DNM3: variants seen among roughly 807,000 people sequenced by gnomAD.
DNM3 encodes dynamin 3.
In DNM3, 47 loss-of-function variants were observed where a neutral mutation model predicts 101.6. The observed-to-expected ratio is 0.46, with a 90% confidence interval of 0.37 to 0.59. The LOEUF (loss-of-function observed/expected upper bound fraction) is 0.59, where lower values mean the gene tolerates loss of function less well. Ranked by LOEUF, DNM3 falls within the 20% of genes least tolerant of loss-of-function variation. The pLI, the probability that DNM3 is intolerant of heterozygous loss-of-function variation, is 0.00. For synonymous variants in DNM3, 385 were observed against 387.9 expected (o/e 0.99, Z 0.09); for missense variants, 849 against 1,085.7 (o/e 0.78, Z 3.06).
intron 14 of DNM3, among the ~76,000 whole-genome samples, chr1:172,158,900 A>G (rs2058444236): frequency 6.6e-6 from 1 of 152,112 alleles, no homozygotes; most frequent in African/African-American, 2.4e-5. Context: ...CTTTATTAAA[A>G]TAATAATCCT....
At chr1:172,162,105 A>G (rs931267006) in intron 14 of DNM3, among the ~76,000 whole-genome samples, 1 of 152,142 alleles carries the variant, frequency 6.6e-6, no homozygotes, top group African/African-American at 2.4e-5. Flanking sequence ...TATATTAGAC[A>G]TGGACTTATG....
chr1:172,405,309 T>C (rs1023344083), intron 20 of DNM3, among the ~76,000 whole-genome samples: 6 of 152,008 alleles, frequency 3.9e-5, no homozygotes, highest in Admixed American at 3.3e-4. Context: ...TTGAATCTAT[T>C]TGGGGGACAC....
chr1:171,919,240 G>C (rs1272145125), intron 1 of DNM3, among the ~76,000 whole-genome samples: 1 of 152,038 alleles, frequency 6.6e-6, no homozygotes, highest in African/African-American at 2.4e-5. Flanking sequence ...ACATGCCATG[G>C]TGGTTTGCTG....
chr1:172,241,271 G>A (rs2061740561), intron 14 of DNM3, among the ~76,000 whole-genome samples: 1 of 150,968 alleles, frequency 6.6e-6, no homozygotes, highest in Non-Finnish European at 1.5e-5. Context: ...GTGTGCACGT[G>A]TGTATTTCTT....
At chr1:171,907,202 G>A (rs1044625216) in intron 1 of DNM3, among the ~76,000 whole-genome samples, 4 of 152,282 alleles carry the variant, frequency 2.6e-5, no homozygotes, top group South Asian at 2.1e-4. Flanking sequence ...CTTTAAAAAC[G>A]TAAGTCAGGC....
chr1:172,218,339 GA>G (rs892969261), intron 14 of DNM3, among the ~76,000 whole-genome samples: 91 of 152,002 alleles, frequency 6.0e-4, no homozygotes, highest in African/African-American at 2.1e-3. Context: ...TGTACATGAA[GA>G]TTTTTTTTTT....
At chr1:172,273,831 A>G (rs2063174729) in intron 15 of DNM3, among the ~76,000 whole-genome samples, 1 of 152,076 alleles carries the variant, frequency 6.6e-6, no homozygotes, top group African/African-American at 2.4e-5. Flanking sequence ...GGGACTCCTG[A>G]AAGAGTCCTG....
chr1:172,306,518 G>GA (rs1206006792), intron 15 of DNM3, among the ~76,000 whole-genome samples: 1 of 151,848 alleles, frequency 6.6e-6, no homozygotes, highest in African/African-American at 2.4e-5. Context: ...CACAGAATTG[G>GA]AAAAAAACCA....
intron 4 of DNM3, among the ~76,000 whole-genome samples, chr1:171,999,918 G>GGCTTT (rs1416884385): frequency 6.6e-6 from 1 of 152,106 alleles, no homozygotes; most frequent in African/African-American, 2.4e-5. Context: ...AGGCTTTGGA[G>GGCTTT]GGAGTCAGCA....
Position 172,418,250 on chromosome 1 carries a change from A to ATTTTG in DNM3, c.2541-11_2541-7dup, listed in dbSNP as rs761040777. Reference sequence around the variant, plus strand: ...CTGCATCTGTGTCTTTCTTTTTGTTATTTTGTTTTGTTTTGTTTTGTTTTT... The same window carrying ATTTTG: ...CTGCATCTGTGTCTTTCTTTTTGTTATTTTGTTTTGTTTTGTTTTGTTTTGTTTTT... On this transcript the variant is annotated intron_variant, in intron 20 of 20. Transcript: ENST00000485254. 9.4e-4 allele frequency: 1,197 copies of ATTTTG among 1,277,972 alleles called. 8 individuals carry two copies. The African/African-American group carries it at 0.016, about 17-fold the overall frequency. The allele number at this position is 1,277,972 out of a possible 1,614,324, so 79.2% of individuals were successfully genotyped here.
chr1:172,273,970 T>C (rs533518556), intron 15 of DNM3, among the ~76,000 whole-genome samples: 5 of 152,206 alleles, frequency 3.3e-5, no homozygotes, highest in African/African-American at 1.2e-4. Flanking sequence ...GGGGGTGTGC[T>C]TATTGCATAA....
In DNM3 at chr1:171,940,620, C is replaced by G. The variant is rs553635691; in HGVS notation, c.235+18799C>G. Among the ~76,000 whole-genome samples the G allele has an allele frequency of 2.0e-5, 3 of 152,260 alleles. No individual in the cohort carries two copies. The East Asian group carries it at 5.8e-4, about 29-fold the overall frequency. ...AAAGTTGGACTTAGAAAGAATGTAT[C>G]TCTGTAAGGCATGTTGAAAGCAACT... On this transcript the variant is annotated intron_variant, in intron 2 of 20. Transcript: ENST00000627582.
intron 2 of DNM3, among the ~76,000 whole-genome samples, chr1:171,923,195 C>A (rs1167843175): frequency 6.6e-6 from 1 of 152,142 alleles, no homozygotes; most frequent in Non-Finnish European, 1.5e-5. Context: ...TTTTCTATAT[C>A]CTTGCTAACC....
intron 11 of DNM3, among the ~76,000 whole-genome samples, chr1:172,080,956 C>G (rs998570715): frequency 4.3e-4 from 66 of 152,302 alleles, no homozygotes; most frequent in African/African-American, 1.5e-3. Flanking sequence ...TGGGCTGCAC[C>G]CACTGTCTAA....
rs1054391186 is a variant in DNM3 at position 171,962,451 on chromosome 1, C to T, written c.236-25205C>T. On this transcript the variant is annotated intron_variant, in intron 2 of 20. Transcript: ENST00000627582. ...AGTTTCTGTAAGCAGTGGTAATGGTCACTATCTTAGTCAATTTGGGCTGCT... is the reference window on the plus strand; with the variant it reads ...AGTTTCTGTAAGCAGTGGTAATGGTTACTATCTTAGTCAATTTGGGCTGCT... 3.7e-4 allele frequency among the ~76,000 whole-genome samples: 56 copies of T among 152,092 alleles called. 1 individual carries two copies. The highest frequency in any genetic ancestry group is 1.2e-3 in the African/African-American group (51 of 41,426).
chr1:171,914,267 C>T (rs1424885877), intron 1 of DNM3, among the ~76,000 whole-genome samples: 3 of 152,136 alleles, frequency 2.0e-5, no homozygotes, highest in Non-Finnish European at 2.9e-5. Flanking sequence ...AAGGGATTCT[C>T]CTATCTCAGC....
intron 14 of DNM3, among the ~76,000 whole-genome samples, chr1:172,158,179 G>A (rs1214516043): frequency 2.0e-5 from 3 of 151,916 alleles, no homozygotes; most frequent in Non-Finnish European, 4.4e-5. Flanking sequence ...TTCAAATGGT[G>A]GGAACAGTAT....
At chr1:171,886,999 G>A (rs189008170) in intron 1 of DNM3, among the ~76,000 whole-genome samples, 179 of 152,220 alleles carry the variant, frequency 1.2e-3, no homozygotes, top group African/African-American at 4.0e-3. Context: ...TGATAATAAC[G>A]TAAAATCGTC....
chr1:172,333,362 G>T (rs2066273441), intron 17 of DNM3, among the ~76,000 whole-genome samples: 1 of 152,098 alleles, frequency 6.6e-6, no homozygotes, highest in Admixed American at 6.6e-5. Context: ...AAGACCAGGT[G>T]AGCATATGCC....
Sources: gnomAD v4.1 joint callset for allele counts (sites outside exome capture counted in the v4.1 genomes callset) on GRCh38, gnomAD v4.1.1 for gene constraint, MANE v1.5 for transcripts, NCBI Gene and HGNC (gene_info 2026-07-23, HGNC 2026-07-21) for gene names.